CHCHD3: variants seen among roughly 807,000 people sequenced by gnomAD.
The protein encoded by CHCHD3 is MICOS complex subunit MIC19.
In CHCHD3, 20 loss-of-function variants were observed where a neutral mutation model predicts 38.2. The observed-to-expected ratio is 0.52, with a 90% confidence interval of 0.37 to 0.76. The LOEUF (loss-of-function observed/expected upper bound fraction) is 0.76, where lower values mean the gene tolerates loss of function less well. CHCHD3 is among the 30% of genes least tolerant of loss of function. The pLI is 0.00. For synonymous variants in CHCHD3, 82 were observed against 100.0 expected (o/e 0.82, Z 1.07); for missense variants, 245 against 279.2 (o/e 0.88, Z 0.87).
At chr7:132,917,425 T>C (rs1810135009) in intron 4 of CHCHD3, among the ~76,000 whole-genome samples, 1 of 152,248 alleles carries the variant, frequency 6.6e-6, no homozygotes, top group African/African-American at 2.4e-5. Context: ...TAAGTATCTG[T>C]ATTATACAGC....
chr7:132,915,732 T>C (rs149190531), intron 4 of CHCHD3, among the ~76,000 whole-genome samples: 70 of 152,302 alleles, frequency 4.6e-4, no homozygotes, highest in African/African-American at 1.6e-3. Flanking sequence ...AGATAATTCA[T>C]AGTACTTAAG....
chr7:132,875,055 A>G (rs974226752), intron 5 of CHCHD3, among the ~76,000 whole-genome samples: 5 of 152,100 alleles, frequency 3.3e-5, no homozygotes, highest in African/African-American at 1.2e-4. Context: ...CAAGCTAAGA[A>G]GGACTAAAAA....
chr7:133,004,668 G>T (rs934040130), intron 3 of CHCHD3, among the ~76,000 whole-genome samples: 2 of 152,224 alleles, frequency 1.3e-5, no homozygotes, highest in Admixed American at 6.5e-5. Context: ...GCAGATGAAA[G>T]ATAAGAGAGG....
At chr7:132,986,425 A>G (rs11978578) in intron 3 of CHCHD3, among the ~76,000 whole-genome samples, 1 of 13,508 alleles carries the variant, frequency 7.4e-5, no homozygotes, top group Admixed American at 9.1e-4. Context: ...AAGAAAAAAG[A>G]AAAAAAAAAA....
Position 132,796,352 on chromosome 7 carries a change from C to T in CHCHD3, c.660+90G>A, listed in dbSNP as rs1806611646. 5 of 1,440,718 alleles carry T rather than the reference C, an allele frequency of 3.5e-6. No homozygotes were observed. The South Asian group carries it at 6.4e-5, about 19-fold the overall frequency. 89.2% of individuals were successfully genotyped at this position (1,440,718 alleles called of 1,614,324 possible). A position where few individuals can be genotyped will look rare whatever the true frequency, so the allele number is the denominator to read the frequency against. ...CTAGGGCTTAGAAAGCTTTTTCACA[C>T]ACAGTGGCCCATTTAGTCCTTACCA... On this transcript the variant is annotated intron_variant, in intron 7 of 7. Coordinates refer to ENST00000262570, the MANE Select transcript of CHCHD3 (RefSeq NM_017812.4).
intron 3 of CHCHD3, among the ~76,000 whole-genome samples, chr7:133,001,137 C>T (rs1351406127): frequency 6.6e-6 from 1 of 152,166 alleles, no homozygotes; most frequent in Non-Finnish European, 1.5e-5. Context: ...ACCTACTATT[C>T]AATGCCCTCA....
intron 4 of CHCHD3, among the ~76,000 whole-genome samples, chr7:132,903,785 A>G (rs1339508755): frequency 6.6e-6 from 1 of 152,244 alleles, no homozygotes; most frequent in Non-Finnish European, 1.5e-5. Flanking sequence ...TCATTTGATC[A>G]GATGCTAGAA....
intron 4 of CHCHD3, among the ~76,000 whole-genome samples, chr7:132,933,578 A>T (rs1472749051): frequency 6.6e-6 from 1 of 152,236 alleles, no homozygotes; most frequent in Non-Finnish European, 1.5e-5. Flanking sequence ...GATGTCTGAG[A>T]ACCAAGATTT....
intron 4 of CHCHD3, among the ~76,000 whole-genome samples, chr7:132,889,740 G>A (rs1308261833): frequency 6.6e-6 from 1 of 152,142 alleles, no homozygotes; most frequent in Non-Finnish European, 1.5e-5. Context: ...TTAATATGAT[G>A]CTAGGAGGAA....
intron 7 of CHCHD3, among the ~76,000 whole-genome samples, chr7:132,786,730 G>A (rs1029674005): frequency 9.2e-5 from 14 of 152,112 alleles, no homozygotes; most frequent in African/African-American, 3.4e-4. Context: ...TCAGTTTAGT[G>A]CATTGGGGAA....
chr7:132,855,827 T>C (rs1808331545), intron 5 of CHCHD3, among the ~76,000 whole-genome samples: 1 of 143,752 alleles, frequency 7.0e-6, no homozygotes, highest in Non-Finnish European at 1.5e-5. Context: ...AGTTCATTCA[T>C]GTGGTACTGA....
At chr7:132,830,167 G>A (rs1010918056) in intron 6 of CHCHD3, among the ~76,000 whole-genome samples, 18 of 152,134 alleles carry the variant, frequency 1.2e-4, no homozygotes, top group African/African-American at 4.1e-4. Context: ...CATTAATACC[G>A]AAGCTTTCTT....
At chr7:132,961,689 T>C (rs1350717515) in intron 4 of CHCHD3, among the ~76,000 whole-genome samples, 2 of 152,180 alleles carry the variant, frequency 1.3e-5, no homozygotes, top group African/African-American at 4.8e-5. Flanking sequence ...AAAAATACTG[T>C]AGAACTATAG....
intron 6 of CHCHD3, among the ~76,000 whole-genome samples, chr7:132,806,116 G>A (rs1806914127): frequency 6.6e-6 from 1 of 152,180 alleles, no homozygotes; most frequent in African/African-American, 2.4e-5. Context: ...GAGCAGTAGG[G>A]GAACTGACCG....
At chr7:132,931,681 T>C (rs1390636275) in intron 4 of CHCHD3, among the ~76,000 whole-genome samples, 2 of 152,238 alleles carry the variant, frequency 1.3e-5, no homozygotes, top group Non-Finnish European at 1.5e-5. Context: ...TCAATGTCAA[T>C]TAAATGAAAT....
intron 7 of CHCHD3, among the ~76,000 whole-genome samples, chr7:132,792,253 C>A (rs181876019): frequency 2.0e-5 from 3 of 152,176 alleles, no homozygotes; most frequent in Non-Finnish European, 4.4e-5. Context: ...GGGAGGCTTA[C>A]GGCTGGCTGG....
intron 5 of CHCHD3, among the ~76,000 whole-genome samples, chr7:132,872,493 CTT>C (rs969938546): frequency 2.6e-5 from 4 of 152,294 alleles, no homozygotes; most frequent in African/African-American, 9.6e-5. Context: ...GGGCCAGCTT[CTT>C]TTCTCTGCAT....
In CHCHD3 at chr7:133,067,431, G is replaced by A. The variant is rs546427584; in HGVS notation, c.169+2711C>T. Among the ~76,000 whole-genome samples, 6 of 152,158 alleles carry A rather than the reference G, an allele frequency of 3.9e-5. No homozygotes were observed. The South Asian group carries it at 1.0e-3, about 26-fold the overall frequency. ...AATATTCATAAGCAAAAAGATACAC[G>A]TCATAAGTACTTACAAAGTTACAAA... On this transcript the variant is annotated intron_variant, in intron 2 of 7. Coordinates refer to ENST00000262570, the MANE Select transcript of CHCHD3 (RefSeq NM_017812.4).
In CHCHD3 at chr7:132,796,592, A is replaced by G; in HGVS notation, c.525-15T>C. Reference sequence around the variant, plus strand: ...ACTCATATCGCCTGAAAACAAACACAGGGACCGCTGAGACCAATGGTCTTC... The same window carrying G: ...ACTCATATCGCCTGAAAACAAACACGGGGACCGCTGAGACCAATGGTCTTC... On this transcript the variant is annotated splice_polypyrimidine_tract_variant and intron_variant, in intron 6 of 7. Transcript: ENST00000262570. 6.2e-7 allele frequency: 1 copy of G among 1,612,942 alleles called. No individual in the cohort carries two copies. Among genetic ancestry groups the G allele is most frequent in the Non-Finnish European group, 8.5e-7 (1 of 1,179,092 alleles).
Sources: allele counts gnomAD v4.1 joint callset (sites outside exome capture counted in the v4.1 genomes callset), GRCh38; gene constraint gnomAD v4.1.1; transcripts MANE v1.5; gene names NCBI Gene and HGNC (gene_info 2026-07-23, HGNC 2026-07-21).